Variants in CELF2 observed in about 807,000 individuals in gnomAD.
CELF2 encodes CUGBP Elav-like family member 2.
In CELF2, 8 loss-of-function variants were observed where a neutral mutation model predicts 62.6. The ratio of observed to expected loss-of-function variants is 0.13; its 90% CI spans 0.07 to 0.23. The LOEUF (loss-of-function observed/expected upper bound fraction) is 0.23, where lower values mean the gene tolerates loss of function less well. Among genes scored for constraint, CELF2 ranks in the 10% least tolerant of loss-of-function variants. The probability of loss-of-function intolerance (pLI) is 1.00; values close to 1 mark genes in which losing one functional copy is unlikely to be tolerated. For missense variants in CELF2, 333 were observed against 671.0 expected, an observed-to-expected ratio of 0.50 and a Z score of 5.56; for synonymous variants, 258 against 250.0, an observed-to-expected ratio of 1.03 and a Z score of -0.30.
At chr10:11,147,372 G>A (rs1019546714) in intron 1 of CELF2, among the ~76,000 whole-genome samples, 2 of 152,100 alleles carry the variant, frequency 1.3e-5, no homozygotes, top group African/African-American at 2.4e-5. Flanking sequence ...CAAATGGGTC[G>A]CATTTTAGTT....
chr10:10,932,289 G>C (rs1036876189), intron 2 of CELF2, among the ~76,000 whole-genome samples: 3 of 152,114 alleles, frequency 2.0e-5, no homozygotes, highest in African/African-American at 7.2e-5. Flanking sequence ...TGGTCAAAAG[G>C]TACAGAGATT....
chr10:11,193,950 G>A (rs894506220), intron 2 of CELF2, among the ~76,000 whole-genome samples: 36 of 152,278 alleles, frequency 2.4e-4, no homozygotes, highest in African/African-American at 8.4e-4. Flanking sequence ...TTAAATAGTG[G>A]TCACATTGCT....
intron 1 of CELF2, among the ~76,000 whole-genome samples, chr10:10,886,700 T>A (rs1347854525): frequency 1.3e-5 from 2 of 152,078 alleles, no homozygotes; most frequent in Non-Finnish European, 2.9e-5. Flanking sequence ...GCCCAGCATG[T>A]GGGTGCATGC....
chr10:10,862,501 G>T (rs943884488), intron 1 of CELF2, among the ~76,000 whole-genome samples: 1 of 152,170 alleles, frequency 6.6e-6, no homozygotes, highest in East Asian at 1.9e-4. Flanking sequence ...GTACCTGATT[G>T]GTTCACCCCA....
At chr10:10,631,503 C>T in the CELF2 span, among the ~76,000 whole-genome samples, 1 of 152,156 alleles carries the variant, frequency 6.6e-6, no homozygotes, top group Admixed American at 6.5e-5. Context: ...TTTCATCCCA[C>T]CACCACCCAT....
At chr10:10,877,229 C>G (rs1262220203) in intron 1 of CELF2, among the ~76,000 whole-genome samples, 1 of 152,222 alleles carries the variant, frequency 6.6e-6, no homozygotes, top group Non-Finnish European at 1.5e-5. Context: ...TGAGACAGCT[C>G]TCAGTTAATT....
At chr10:10,795,463 T>C (rs573246355), upstream of CELF2, among the ~76,000 whole-genome samples, 1 of 152,322 alleles carries the variant, frequency 6.6e-6, no homozygotes, top group South Asian at 2.1e-4. Context: ...TTTTTATAAA[T>C]AGAAAATTTA....
At chr10:11,277,204 T>A (rs2086465818) in intron 8 of CELF2, among the ~76,000 whole-genome samples, 1 of 152,190 alleles carries the variant, frequency 6.6e-6, no homozygotes, top group African/African-American at 2.4e-5. Flanking sequence ...TCTCCACCAA[T>A]GAAGAAAAGT....
At chr10:11,197,025 A>AAAGAAAGAAGGAAGGAAGGAAGGAAGG (rs1554936315) in intron 2 of CELF2, among the ~76,000 whole-genome samples, 15 of 26,120 alleles carry the variant, frequency 5.7e-4, no homozygotes, top group Non-Finnish European at 1.1e-3. Context: ...AGAAAGAAAG[A>AAAGAAAGAAGGAAGGAAGGAAGGAAGG]AAAGAAAGAA....
chr10:10,786,308 A>T, the CELF2 span, among the ~76,000 whole-genome samples: 1 of 152,172 alleles, frequency 6.6e-6, no homozygotes, highest in Non-Finnish European at 1.5e-5. Context: ...GGTTATCATG[A>T]AGAGAAATCT....
At chr10:11,233,431 T>A (rs1440436643) in intron 3 of CELF2, among the ~76,000 whole-genome samples, 4 of 152,172 alleles carry the variant, frequency 2.6e-5, no homozygotes, top group Non-Finnish European at 5.9e-5. Flanking sequence ...TTTCTTTAGG[T>A]CCCAGTGATC....
rs2093835685 is a variant in CELF2 at position 11,302,316 on chromosome 10, C to T, written c.977-11823C>T. ...TCGGATAGTCCTGACACACGTGGTT[C>T]TCTAATGTTTGCATGCAAAAGCAGC... is the stretch of plus-strand genomic sequence containing the variant. On this transcript the variant is annotated intron_variant, in intron 9 of 12. Coordinates refer to ENST00000633077, the MANE Select transcript of CELF2 (RefSeq NM_001326342.2). This position sits in a 1 kb window ranked among gnomAD's most constrained non-coding sequence, Gnocchi z 5.0. Among the ~76,000 whole-genome samples the T allele has an allele frequency of 6.6e-6, 1 of 152,226 alleles. No individual in the cohort carries two copies. The highest frequency in any genetic ancestry group is 1.5e-5 in the Non-Finnish European group (1 of 68,040).
intron 1 of CELF2, among the ~76,000 whole-genome samples, chr10:11,128,227 T>G (rs1233035099): frequency 6.6e-6 from 1 of 152,204 alleles, no homozygotes; most frequent in Non-Finnish European, 1.5e-5. Flanking sequence ...TCTGTTCTGT[T>G]CCATTGGTCT....
intron 2 of CELF2, among the ~76,000 whole-genome samples, chr10:11,197,067 A>AAAGAAAGAAAGAAAGG (rs1565234225): frequency 9.9e-6 from 1 of 101,284 alleles, no homozygotes; most frequent in African/African-American, 4.4e-5. Context: ...GAAAAGAAAG[A>AAAGAAAGAAAGAAAGG]AAGGAAAGAA....
chr10:11,122,691 A>C (rs1285660583), intron 1 of CELF2, among the ~76,000 whole-genome samples: 1 of 152,260 alleles, frequency 6.6e-6, no homozygotes. Flanking sequence ...TACAACAAGC[A>C]GTCGTGAAAG....
rs546573967 is a variant in CELF2 at position 11,209,722 on chromosome 10, G to A, written c.272-7703G>A. Among the ~76,000 whole-genome samples, 86 of 151,614 alleles carry A rather than the reference G, an allele frequency of 5.7e-4. 1 individual carries two copies. The highest frequency in any genetic ancestry group is 9.0e-4 in the Non-Finnish European group (61 of 67,940). ...AAGCCAGTGACTGAGAGTTGAAACCGTAGTGCATGGCAGATTCGCTTGAGC... is the reference window on the plus strand; with the variant it reads ...AAGCCAGTGACTGAGAGTTGAAACCATAGTGCATGGCAGATTCGCTTGAGC... On this transcript the variant is annotated intron_variant, in intron 2 of 12. Transcript: ENST00000633077.
chr10:11,053,079 G>C (rs1193860313), intron 1 of CELF2, among the ~76,000 whole-genome samples: 2 of 152,040 alleles, frequency 1.3e-5, no homozygotes, highest in African/African-American at 2.4e-5. Context: ...CAAGGTTATA[G>C]CAAAGTAAGT....
chr10:10,473,246 G>A, the CELF2 span, among the ~76,000 whole-genome samples: 14 of 151,972 alleles, frequency 9.2e-5, no homozygotes, highest in Non-Finnish European at 1.8e-4. Flanking sequence ...ACAGGGAGAT[G>A]CATTGTGAAA....
intron 1 of CELF2, among the ~76,000 whole-genome samples, chr10:11,141,572 A>C (rs370673377): frequency 6.6e-6 from 1 of 152,224 alleles, no homozygotes; most frequent in African/African-American, 2.4e-5. Flanking sequence ...TGGAAAACAC[A>C]TTTGTGTGGT....
Sources: gnomAD v4.1 joint callset for allele counts (sites outside exome capture counted in the v4.1 genomes callset) on GRCh38, gnomAD v4.1.1 for gene constraint, Gnocchi (gnomAD v3.1) non-coding constraint, MANE v1.5 for transcripts, NCBI Gene and HGNC (gene_info 2026-07-23, HGNC 2026-07-21) for gene names.